Variants in TRAK1 observed in about 807,000 individuals in gnomAD.
TRAK1 encodes the protein trafficking kinesin-binding protein 1.
A neutral mutation model predicts 92.1 loss-of-function variants in TRAK1; 33 were observed. The ratio of observed to expected loss-of-function variants is 0.36; its 90% confidence interval spans 0.27 to 0.48. TRAK1 has a LOEUF of 0.48. Ranked by LOEUF, TRAK1 falls within the 20% of genes least tolerant of loss-of-function variation. The pLI is 0.99. For synonymous variants in TRAK1, 521 were observed against 517.3 expected (o/e 1.01, Z -0.10); for missense variants, 1,123 against 1,257.9 (o/e 0.89, Z 1.62).
At chr3:42,181,139 G>T (rs1349501482) in intron 3 of TRAK1, among the ~76,000 whole-genome samples, 2 of 152,216 alleles carry the variant, frequency 1.3e-5, no homozygotes, top group Non-Finnish European at 2.9e-5. Context: ...CCGTTTGTGT[G>T]CTGGAAGCCT....
Sources: gnomAD v4.1 joint callset for allele counts (sites outside exome capture counted in the v4.1 genomes callset) on GRCh38, gnomAD v4.1.1 for gene constraint, MANE v1.5 for transcripts, NCBI Gene and HGNC (gene_info 2026-07-23, HGNC 2026-07-21) for gene names.